PIK3C2G: variants seen among roughly 807,000 people sequenced by gnomAD.
PIK3C2G encodes the protein phosphatidylinositol 3-kinase C2 domain-containing subunit gamma.
PIK3C2G carries 168 observed loss-of-function variants against 181.1 expected under a neutral mutation model. The observed-to-expected ratio is 0.93, with a 90% confidence interval of 0.82 to 1.05. The LOEUF (loss-of-function observed/expected upper bound fraction) is 1.05. Among genes scored for constraint, PIK3C2G ranks in the 50% least tolerant of loss-of-function variants. PIK3C2G has a pLI of 0.00. For synonymous variants in PIK3C2G, 573 were observed against 592.2 expected, an observed-to-expected ratio of 0.97 and a Z score of 0.47; for missense variants, 1,869 against 1,732.8, an observed-to-expected ratio of 1.08 and a Z score of -1.40.
At chr12:18,306,585 G>T (rs1047217765) in intron 5 of PIK3C2G, among the ~76,000 whole-genome samples, 1 of 151,962 alleles carries the variant, frequency 6.6e-6, no homozygotes, top group Non-Finnish European at 1.5e-5. Context: ...CTCAAATTAA[G>T]GATATGGCAG....
At chr12:18,719,902 T>C in the PIK3C2G span, among the ~76,000 whole-genome samples, 1 of 152,020 alleles carries the variant, frequency 6.6e-6, no homozygotes, top group African/African-American at 2.4e-5. Context: ...AAAGTACATA[T>C]ATTATGGACC....
upstream of PIK3C2G, among the ~76,000 whole-genome samples, chr12:18,260,966 A>T (rs1370144972): frequency 6.6e-6 from 1 of 152,140 alleles, no homozygotes; most frequent in Non-Finnish European, 1.5e-5. Context: ...AGATGTTATT[A>T]AAAATATTTA....
chr12:18,312,177 G>T (rs1950664934), intron 5 of PIK3C2G, among the ~76,000 whole-genome samples: 1 of 152,108 alleles, frequency 6.6e-6, no homozygotes, highest in Middle Eastern at 3.4e-3. Flanking sequence ...ACACACCCAG[G>T]AACAATGCTT....
intron 24 of PIK3C2G, among the ~76,000 whole-genome samples, chr12:18,513,807 T>C (rs79432247): frequency 2.0e-5 from 3 of 151,946 alleles, no homozygotes; most frequent in Non-Finnish European, 4.4e-5. Context: ...AAAAAACAAC[T>C]GTGTGATTTT....
chr12:18,391,886 T>TGG (rs140796987), intron 15 of PIK3C2G, among the ~76,000 whole-genome samples: 16,930 of 151,810 alleles, frequency 0.11, 941 homozygotes, highest in Non-Finnish European at 0.13. Flanking sequence ...TGTGTGTGTG[T>TGG]GTGAGAGAGA....
At chr12:18,565,673 C>A (rs1424987570) in intron 28 of PIK3C2G, among the ~76,000 whole-genome samples, 1 of 152,082 alleles carries the variant, frequency 6.6e-6, no homozygotes, top group Non-Finnish European at 1.5e-5. Flanking sequence ...TGACATATAA[C>A]TCGAAGAAGT....
Position 18,271,009 on chromosome 12 carries a change from TG to T in PIK3C2G, c.-79+9433del, listed in dbSNP as rs558970121. ...TTTTAGGCTTCCTTTACCCTCTTTTTGTAAGGAAGACTTGGCTCTCCCTTAG... is the reference window on the plus strand; with the variant it reads ...TTTTAGGCTTCCTTTACCCTCTTTTTTAAGGAAGACTTGGCTCTCCCTTAG... On this transcript the variant is annotated intron_variant, in intron 1 of 32. Transcript: ENST00000538779. Among the ~76,000 whole-genome samples, 1,385 of 152,226 alleles carry T rather than the reference TG, an allele frequency of 9.1e-3. 22 individuals carry two copies. The highest frequency in any genetic ancestry group is 0.03 in the African/African-American group (1,255 of 41,534).
At chr12:18,715,649 CTGTT>C in the PIK3C2G span, 1 of 152,060 alleles carries the variant, frequency 6.6e-6, no homozygotes, top group African/African-American at 2.4e-5. Context: ...GTTTTTGTGT[CTGTT>C]TTTGTTTTTG....
chr12:18,342,835 T>C (rs927587038), intron 9 of PIK3C2G, among the ~76,000 whole-genome samples: 4 of 152,046 alleles, frequency 2.6e-5, no homozygotes, highest in African/African-American at 9.7e-5. Flanking sequence ...TATTTTATTT[T>C]TTCAAGTGTT....
In PIK3C2G at chr12:18,488,394, T is replaced by A. The variant is rs191008228; in HGVS notation, c.2505-55T>A. The A allele has an allele frequency of 7.5e-4, 945 of 1,258,766 alleles. 2 individuals are homozygous for A. In the African/African-American group the frequency reaches 0.01, roughly 14 times the overall value. 78.0% of individuals were successfully genotyped at this position (1,258,766 alleles called of 1,614,324 possible). A position where few individuals can be genotyped will look rare whatever the true frequency, so the allele number is the denominator to read the frequency against. On this transcript the variant is annotated intron_variant, in intron 18 of 32. Coordinates refer to ENST00000538779, the MANE Select transcript of PIK3C2G (RefSeq NM_001288772.2). ...ATGCACTTACTGTTCCGGCTGGATG[T>A]GGTTTAAAAAATTAGCTTTACATAC... is the stretch of plus-strand genomic sequence containing the variant.
At chr12:18,349,930 A>G (rs1940062878) in intron 11 of PIK3C2G, among the ~76,000 whole-genome samples, 1 of 152,200 alleles carries the variant, frequency 6.6e-6, no homozygotes, top group Non-Finnish European at 1.5e-5. Flanking sequence ...TTGAATAGAG[A>G]AATGTGTCAT....
chr12:18,669,911 C>T, the PIK3C2G span, among the ~76,000 whole-genome samples: 4 of 152,150 alleles, frequency 2.6e-5, no homozygotes, highest in South Asian at 2.1e-4. Flanking sequence ...CCTTGTGATC[C>T]GCCCACCTGG....
chr12:18,503,913 C>A (rs1941664885), intron 23 of PIK3C2G, among the ~76,000 whole-genome samples: 1 of 152,168 alleles, frequency 6.6e-6, no homozygotes, highest in African/African-American at 2.4e-5. Flanking sequence ...ATTCTGGTAT[C>A]TGGCTTGCAG....
At chr12:18,716,604 T>G in the PIK3C2G span, among the ~76,000 whole-genome samples, 1 of 152,192 alleles carries the variant, frequency 6.6e-6, no homozygotes, top group Non-Finnish European at 1.5e-5. Flanking sequence ...ATCCTGTTTC[T>G]CTCTTGACTT....
chr12:18,444,331 T>C lies in PIK3C2G; in HGVS notation c.2504+20292T>C, dbSNP rs922037720. Reference sequence around the variant, plus strand: ...CCAACTCTGCTGAAATCCTGTATCATATTTTGTCTTTATCAATTGTTTGGT... The same window carrying C: ...CCAACTCTGCTGAAATCCTGTATCACATTTTGTCTTTATCAATTGTTTGGT... On this transcript the variant is annotated intron_variant, in intron 18 of 32. Transcript: ENST00000538779. 5.3e-5 allele frequency among the ~76,000 whole-genome samples: 8 copies of C among 152,314 alleles called. No homozygotes were observed. The East Asian group carries it at 1.2e-3, about 22-fold the overall frequency.
At chr12:18,295,354 G>T (rs2137237576) in intron 5 of PIK3C2G, among the ~76,000 whole-genome samples, 1 of 152,016 alleles carries the variant, frequency 6.6e-6, no homozygotes, top group South Asian at 2.1e-4. Context: ...CTCATCTTTT[G>T]AATGTGTAGT....
chr12:18,715,744 A>C, the PIK3C2G span: 1 of 152,174 alleles, frequency 6.6e-6, no homozygotes, highest in Non-Finnish European at 1.5e-5. Context: ...GCAAGTCATC[A>C]TCCCACTTCA....
intron 26 of PIK3C2G, among the ~76,000 whole-genome samples, chr12:18,559,153 C>G (rs993155244): frequency 2.6e-5 from 4 of 152,204 alleles, no homozygotes; most frequent in African/African-American, 9.7e-5. Context: ...AAAAGGGAAC[C>G]TTCCACATTT....
At chr12:18,487,096 T>TTG (rs35440588) in intron 18 of PIK3C2G, among the ~76,000 whole-genome samples, 25,431 of 141,978 alleles carry the variant, frequency 0.18, 2,665 homozygotes, top group East Asian at 0.3. Context: ...TTGAGGTATT[T>TTG]TGTGTGTGTG....
Sources: gnomAD v4.1 joint callset for allele counts (sites outside exome capture counted in the v4.1 genomes callset) on GRCh38, gnomAD v4.1.1 for gene constraint, MANE v1.5 for transcripts, NCBI Gene and HGNC (gene_info 2026-07-23, HGNC 2026-07-21) for gene names.